The following YARS1 variants were observed in gnomAD, a reference collection of about 807,000 sequenced individuals.
The protein encoded by YARS1 is tyrosine--tRNA ligase, cytoplasmic.
YARS1 carries 36 observed loss-of-function variants against 62.2 expected under a neutral mutation model. That is an observed-to-expected ratio of 0.58 (90% confidence interval 0.44 to 0.76). The LOEUF (loss-of-function observed/expected upper bound fraction) is 0.76. Among genes scored for constraint, YARS1 ranks in the 30% least tolerant of loss-of-function variants. The pLI is 0.00. For synonymous variants in YARS1, 234 were observed against 244.9 expected (o/e 0.96, Z 0.42); for missense variants, 524 against 639.8 (o/e 0.82, Z 1.95).
chr1:32,780,396 C>A lies in YARS1; in HGVS notation c.1141-118G>T, dbSNP rs1653014611. On this transcript the variant is annotated intron_variant, in intron 10 of 12. Transcript: ENST00000373477. The stretch of plus-strand genomic sequence containing the variant: ...CTTACAGAGGCCCCTGGAAAGACCC[C>A]CTAGAGCTAACTTTCTTTCCACGTC... 2.5e-6 allele frequency: 3 copies of A among 1,193,820 alleles called. 1 individual carries two copies. Among genetic ancestry groups the A allele is most frequent in the South Asian group, 2.5e-5 (2 of 80,684 alleles). The allele number at this position is 1,193,820 out of a possible 1,614,324, so 74.0% of individuals were successfully genotyped here.
At chr1:32,816,073 C>A (rs539029874) in intron 1 of YARS1, among the ~76,000 whole-genome samples, 2 of 141,464 alleles carry the variant, frequency 1.4e-5, no homozygotes, top group South Asian at 2.2e-4. Flanking sequence ...TGGGCCACTG[C>A]ACTCCAGCCT....
In YARS1 at chr1:32,815,743, T is replaced by G. The variant is rs562855223; in HGVS notation, c.57+1445A>C. ...AAATACCTGGAGACAGAGAGTAGAT[T>G]AGTGTTTCTCTAAGGCTAGGAGTAG... On this transcript the variant is annotated intron_variant, in intron 1 of 12. Transcript: ENST00000373477. Among the ~76,000 whole-genome samples the G allele has an allele frequency of 2.0e-5, 3 of 152,268 alleles. No individual in the cohort carries two copies. In the South Asian group the frequency reaches 6.2e-4, roughly 32 times the overall value.
At chr1:32,804,591 G>A (rs1303583347) in intron 4 of YARS1, among the ~76,000 whole-genome samples, 1 of 151,698 alleles carries the variant, frequency 6.6e-6, no homozygotes, top group African/African-American at 2.4e-5. Flanking sequence ...TCAGTTCCCA[G>A]ACCGGGTCGC....
At chr1:32,800,455 C>A (rs1232328267) in intron 4 of YARS1, among the ~76,000 whole-genome samples, 1 of 152,126 alleles carries the variant, frequency 6.6e-6, no homozygotes, top group Non-Finnish European at 1.5e-5. Flanking sequence ...GCCTAGACAA[C>A]ATAGTGAGAC....
intron 6 of YARS1, chr1:32,790,961 C>G: frequency 1.7e-6 from 1 of 583,744 alleles, no homozygotes; most frequent in South Asian, 2.0e-5. Flanking sequence ...CAGCAAAAAC[C>G]ATTAAGTTAT....
chr1:32,805,853 C>T (rs906499676), intron 4 of YARS1, among the ~76,000 whole-genome samples: 2 of 152,128 alleles, frequency 1.3e-5, no homozygotes, highest in African/African-American at 2.4e-5. Flanking sequence ...ATCCCAGCTA[C>T]TCGGGAGGCT....
chr1:32,808,981 A>G (rs1638522554), intron 3 of YARS1, among the ~76,000 whole-genome samples: 1 of 152,246 alleles, frequency 6.6e-6, no homozygotes, highest in East Asian at 1.9e-4. Flanking sequence ...CAGGGGTTCC[A>G]TAAAGATCTG....
chr1:32,778,890 G>A (rs1032720557), intron 12 of YARS1, among the ~76,000 whole-genome samples: 3 of 151,368 alleles, frequency 2.0e-5, no homozygotes, highest in Non-Finnish European at 2.9e-5. Flanking sequence ...AGGCGCCCAC[G>A]ACCACGCCTG....
chr1:32,797,789 T>C lies in YARS1; in HGVS notation c.565A>G (p.Arg189Gly), dbSNP rs1653652814. The C allele has an allele frequency of 6.2e-7, 1 of 1,614,190 alleles. No homozygotes were observed. Among genetic ancestry groups the C allele is most frequent in the African/African-American group, 1.3e-5 (1 of 75,058 alleles). The part of the protein sequence containing the change: ...VDAQFGGIDQ[R>G]KIFTFAEKYL... The stretch of plus-strand genomic sequence containing the variant: ...TTCTCTGCAAAGGTGAAAATCTTTC[T>C]CTGATCAATGCCTCCAAATTGGGCA... The change falls in exon 5 of 13, where the codon AGA (arginine) becomes GGA (glycine). Residue 189 changes from arginine (R) to glycine (G), a missense_variant. Physicochemically the swap from Arg to Gly is moderately radical, Grantham distance 125. Coordinates refer to ENST00000373477, the MANE Select transcript of YARS1 (RefSeq NM_003680.4).
At chr1:32,779,935 G>T in intron 11 of YARS1, 150 bp downstream of exon 11, 1 of 871,144 alleles carries the variant, frequency 1.1e-6, no homozygotes, top group Non-Finnish European at 1.9e-6. Context: ...TGTACGATAA[G>T]TCCTTCATGC....
intron 8 of YARS1, chr1:32,783,221 G>A (rs1167776560): frequency 6.5e-6 from 1 of 152,798 alleles, no homozygotes; most frequent in Non-Finnish European, 1.5e-5. Flanking sequence ...TGGGGATGAG[G>A]GTTAAATCAC....
At chr1:32,812,805 T>C (rs893536303) in intron 1 of YARS1, among the ~76,000 whole-genome samples, 50 of 151,876 alleles carry the variant, frequency 3.3e-4, no homozygotes, top group Admixed American at 3.2e-3. Context: ...CCATCTCTAC[T>C]AAAAATACAA....
In YARS1 at chr1:32,786,965, C is replaced by G. The variant is rs141482636; in HGVS notation, c.795G>C (p.Lys265Asn). Residue 265 changes from lysine to asparagine, a missense_variant, in exon 7 of 13, where the codon AAG (lysine) becomes AAC (asparagine). By Grantham distance (94) the Lys-to-Asn change is moderately conservative (BLOSUM62 0). Coordinates refer to ENST00000373477, the MANE Select transcript of YARS1 (RefSeq NM_003680.4). ...VENNGVLSFI[K>N]HVLFPLKSEF... ...CGGACTTAAGGGGAAAAAGGACATGCTTGATGAAGGACAGAACCCCATTGT... is the reference window on the plus strand; with the variant it reads ...CGGACTTAAGGGGAAAAAGGACATGGTTGATGAAGGACAGAACCCCATTGT... 223 of 1,613,956 alleles carry G rather than the reference C, an allele frequency of 1.4e-4. No homozygotes were observed. The highest frequency in any genetic ancestry group is 1.8e-4 in the Non-Finnish European group (213 of 1,179,994).
At position 32,791,203 on chromosome 1, in the gene YARS1, C is replaced by T. The variant is rs1653402560; in HGVS notation, c.643G>A (p.Val215Ile). 3 of 1,614,036 alleles carry T rather than the reference C, an allele frequency of 1.9e-6. No homozygotes were observed. In the East Asian group the frequency reaches 6.7e-5, roughly 36 times the overall value. The change falls in exon 6 of 13, where the codon GTT (valine) becomes ATT (isoleucine). Residue 215 changes from valine (V) to isoleucine (I), a missense_variant. By Grantham distance (29) the Val-to-Ile change is conservative (BLOSUM62 3). Transcript: ENST00000373477. ...ATTTTGCTGCCTGTTAATCCTGGAA[C>T]CATAGGATTCATCAGATGGACCCGT... ...SKRVHLMNPM[V>I]PGLTGSKMSS... is the part of the protein sequence containing the mutation.
chr1:32,805,031 G>A (rs926384691), intron 4 of YARS1, among the ~76,000 whole-genome samples: 3 of 152,078 alleles, frequency 2.0e-5, no homozygotes, highest in African/African-American at 7.2e-5. Flanking sequence ...AGGAGCTGGA[G>A]ACCAGCCCGG....
At chr1:32,797,327 G>A (rs1569746488) in intron 5 of YARS1, among the ~76,000 whole-genome samples, 1 of 151,908 alleles carries the variant, frequency 6.6e-6, no homozygotes, top group South Asian at 2.1e-4. Flanking sequence ...AGCCATGACC[G>A]CATTACTGCA....
rs1298391875 is a variant in YARS1, at chr1:32,780,286, G to A, written c.1141-8C>T. 10 of 1,613,954 alleles carry A rather than the reference G, an allele frequency of 6.2e-6. No individual in the cohort carries two copies. Among genetic ancestry groups the A allele is most frequent in the Non-Finnish European group, 8.5e-6 (10 of 1,180,024 alleles). ...GCTGTCTGCATCTGGGTGCTGCCAG[G>A]GAGAGACGTCAGGAGGAAGAGGATC... On this transcript the variant is annotated splice_polypyrimidine_tract_variant and splice_region_variant and intron_variant, in intron 10 of 12. Transcript: ENST00000373477.
At chr1:32,803,362 C>A (rs1208580440) in intron 4 of YARS1, among the ~76,000 whole-genome samples, 2 of 149,782 alleles carry the variant, frequency 1.3e-5, no homozygotes, top group Non-Finnish European at 3.0e-5. Flanking sequence ...GAACTCCTGG[C>A]CTCAAGTGAT....
Position 32,806,549 on chromosome 1 carries a change from G to A in YARS1, c.443C>T (p.Ala148Val). 1 of 1,614,166 alleles carries A rather than the reference G, an allele frequency of 6.2e-7. No homozygotes were observed. The highest frequency in any genetic ancestry group is 8.5e-7 in the Non-Finnish European group (1 of 1,180,032). The change falls in exon 4 of 13, where the codon GCT becomes GTT. Residue 148 changes from alanine (A) to valine (V), a missense_variant. Physicochemically the swap from Ala to Val is moderately conservative, Grantham distance 64. Coordinates refer to ENST00000373477, the MANE Select transcript of YARS1 (RefSeq NM_003680.4). Reference protein sequence around the residue: ...SVVTQHDSKKAGAEVVKQVEH... With the variant: ...SVVTQHDSKKVGAEVVKQVEH... ...CACCTGCTTTACCACCTCAGCTCCAGCCTTCTTGGAATCGTGCTGTGTGAC... is the reference window on the plus strand; with the variant it reads ...CACCTGCTTTACCACCTCAGCTCCAACCTTCTTGGAATCGTGCTGTGTGAC...
Sources: gnomAD v4.1 joint callset for allele counts (sites outside exome capture counted in the v4.1 genomes callset) on GRCh38, gnomAD v4.1.1 for gene constraint, MANE v1.5 for transcripts, NCBI Gene and HGNC (gene_info 2026-07-23, HGNC 2026-07-21) for gene names.